The following PRKCE variants were observed in gnomAD, a reference collection of about 807,000 sequenced individuals.
PRKCE encodes the protein protein kinase C epsilon type.
PRKCE carries 16 observed loss-of-function variants against 85.4 expected under a neutral mutation model. That is an observed-to-expected ratio of 0.19 (90% CI 0.13 to 0.28). PRKCE has a LOEUF of 0.28. PRKCE is among the 10% of genes least tolerant of loss of function. The pLI, the probability that PRKCE is intolerant of heterozygous loss-of-function variation, is 1.00. For synonymous variants in PRKCE, 388 were observed against 371.5 expected (o/e 1.04, Z -0.51); for missense variants, 573 against 975.2 (o/e 0.59, Z 5.49).
intron 2 of PRKCE, among the ~76,000 whole-genome samples, chr2:45,878,877 T>C (rs1001653578): frequency 6.6e-6 from 1 of 152,244 alleles, no homozygotes; most frequent in Non-Finnish European, 1.5e-5. Flanking sequence ...CAAAGTTTGC[T>C]CTTGCTTTTT....
At chr2:46,080,797 A>G (rs531613476) in intron 10 of PRKCE, among the ~76,000 whole-genome samples, 9 of 152,210 alleles carry the variant, frequency 5.9e-5, no homozygotes, top group Admixed American at 1.3e-4. Context: ...ACAACTATCC[A>G]AAGAACAAAA....
intron 10 of PRKCE, among the ~76,000 whole-genome samples, chr2:46,042,506 C>T (rs1443827760): frequency 6.6e-6 from 1 of 152,220 alleles, no homozygotes; most frequent in African/African-American, 2.4e-5. Context: ...AATTGGCCAG[C>T]AGGGCTTAAG....
In PRKCE at chr2:45,712,394, A is replaced by G. The variant is rs1263558573; in HGVS notation, c.348+59946A>G. Among the ~76,000 whole-genome samples, 4 of 150,932 alleles carry G rather than the reference A, an allele frequency of 2.7e-5. No individual in the cohort carries two copies. In the East Asian group the frequency reaches 7.9e-4, roughly 30 times the overall value. On this transcript the variant is annotated intron_variant, in intron 1 of 14. Coordinates refer to ENST00000306156, the MANE Select transcript of PRKCE (RefSeq NM_005400.3). The stretch of plus-strand genomic sequence containing the variant: ...GGTCTCGAACTTCTGACCTCAAGTG[A>G]TTTACCCCACCTTGGCCTTCCAAAG...
At chr2:46,019,686 C>A (rs909149510) in intron 10 of PRKCE, among the ~76,000 whole-genome samples, 1 of 151,970 alleles carries the variant, frequency 6.6e-6, no homozygotes, top group African/African-American at 2.4e-5. Context: ...CCTTACGTGT[C>A]TTTTCACTTG....
At position 46,001,579 on chromosome 2, in the gene PRKCE, CT is replaced by C; in HGVS notation, c.966+37del. On this transcript the variant is annotated intron_variant, in intron 7 of 14. Transcript: ENST00000306156. The surrounding 1 kb of genome is among the most constrained non-coding windows in gnomAD (Gnocchi z 4.4). ...GCTGTTTGGTGGTGTTGCTGGAGCC[CT>C]TTTCAGGCTAGCATTTCTGTGCTGA... 2 of 1,587,812 alleles carry C rather than the reference CT, an allele frequency of 1.3e-6. No homozygotes were observed. Among genetic ancestry groups the C allele is most frequent in the Non-Finnish European group, 1.7e-6 (2 of 1,172,950 alleles).
chr2:45,652,292 C>T lies in PRKCE; in HGVS notation c.192C>T (p.Ala64=), dbSNP rs1290626452. 1 of 1,613,560 alleles carries T rather than the reference C, an allele frequency of 6.2e-7. No individual in the cohort carries two copies. The highest frequency in any genetic ancestry group is 8.5e-7 in the Non-Finnish European group (1 of 1,180,034). The stretch of plus-strand genomic sequence containing the variant: ...CCAAGCAGAAGACCAACAGCCCGGC[C>T]TGGCACGACGAGTTCGTCACCGATG... ...TATKQKTNSP[A]WHDEFVTDVC... Residue 64 remains alanine, a synonymous_variant, in exon 1 of 15, where the codon GCC becomes GCT. Coordinates refer to ENST00000306156, the MANE Select transcript of PRKCE (RefSeq NM_005400.3). The surrounding 1 kb of genome is among the most constrained non-coding windows in gnomAD (Gnocchi z 7.7).
intron 1 of PRKCE, among the ~76,000 whole-genome samples, chr2:45,841,529 C>T (rs934018606): frequency 3.7e-4 from 57 of 152,232 alleles, no homozygotes; most frequent in Admixed American, 7.2e-4. Flanking sequence ...ATTCTAGCCA[C>T]GCTGGCAGCT....
At chr2:45,946,379 A>C (rs1334376900) in intron 2 of PRKCE, among the ~76,000 whole-genome samples, 1 of 152,240 alleles carries the variant, frequency 6.6e-6, no homozygotes, top group African/African-American at 2.4e-5. Flanking sequence ...TAAATGACCC[A>C]AGTCAGAACC....
intron 2 of PRKCE, among the ~76,000 whole-genome samples, chr2:45,969,940 C>A (rs994307134): frequency 6.6e-6 from 1 of 152,190 alleles, no homozygotes; most frequent in Non-Finnish European, 1.5e-5. Context: ...ATTCATCAGA[C>A]CATTGGCCTA....
chr2:45,851,736 C>A (rs1279739427), intron 2 of PRKCE: 1 of 152,186 alleles, frequency 6.6e-6, no homozygotes, highest in Non-Finnish European at 1.5e-5. Context: ...GCAAACCCTG[C>A]CAGAGAGGAG....
intron 2 of PRKCE, among the ~76,000 whole-genome samples, chr2:45,941,458 TACAG>T (rs1485876727): frequency 1.3e-5 from 2 of 152,186 alleles, no homozygotes; most frequent in Admixed American, 6.5e-5. Flanking sequence ...TGGGAGATCA[TACAG>T]ACCTACATCA....
At chr2:45,794,381 A>C (rs1687258868) in intron 1 of PRKCE, among the ~76,000 whole-genome samples, 1 of 152,120 alleles carries the variant, frequency 6.6e-6, no homozygotes. Flanking sequence ...GTTTTTGAAA[A>C]TGGCAAATGC....
At chr2:46,048,803 C>G (rs1033145865) in intron 10 of PRKCE, among the ~76,000 whole-genome samples, 2 of 152,196 alleles carry the variant, frequency 1.3e-5, no homozygotes, top group African/African-American at 2.4e-5. Flanking sequence ...CCTTCACCAG[C>G]TCTGGAAATA....
At chr2:46,170,372 C>A (rs1375060) in intron 14 of PRKCE, among the ~76,000 whole-genome samples, 3 of 152,256 alleles carry the variant, frequency 2.0e-5, no homozygotes, top group African/African-American at 7.2e-5. Flanking sequence ...AACTTTAGTA[C>A]GGAAATTTCC....
chr2:45,657,024 G>A (rs1675410651), intron 1 of PRKCE, among the ~76,000 whole-genome samples: 1 of 152,258 alleles, frequency 6.6e-6, no homozygotes, highest in African/African-American at 2.4e-5. Context: ...GGCAGGCGGA[G>A]CAAGGATTAG....
At chr2:45,673,666 C>T (rs926382518) in intron 1 of PRKCE, among the ~76,000 whole-genome samples, 1 of 152,052 alleles carries the variant, frequency 6.6e-6, no homozygotes, top group Admixed American at 6.5e-5. Context: ...AACTAGGATC[C>T]CAAGTGTTGT....
intron 1 of PRKCE, among the ~76,000 whole-genome samples, chr2:45,802,817 A>C (rs1687969096): frequency 6.6e-6 from 1 of 152,242 alleles, no homozygotes; most frequent in Non-Finnish European, 1.5e-5. Context: ...ATAGACGTAT[A>C]AACATGCACA....
At position 45,653,919 on chromosome 2, in the gene PRKCE, C is replaced by T. The variant is rs1238173897; in HGVS notation, c.348+1471C>T. Among the ~76,000 whole-genome samples the T allele has an allele frequency of 2.0e-5, 3 of 152,256 alleles. No individual in the cohort carries two copies. In the East Asian group the frequency reaches 5.8e-4, roughly 29 times the overall value. On this transcript the variant is annotated intron_variant, in intron 1 of 14. Transcript: ENST00000306156. ...GCTTCCTTCAGCCCCCACAACAGAG[C>T]TCCCACTCATTCCCCATTTCTTTTC...
intron 11 of PRKCE, among the ~76,000 whole-genome samples, chr2:46,097,519 CAAAAAAAAAA>C (rs66634467): frequency 0.089 from 8,362 of 94,154 alleles, 563 homozygotes; most frequent in Middle Eastern, 0.24. Flanking sequence ...GACTCCGTCT[CAAAAAAAAAA>C]AAAAAAAAGC....
Sources: allele counts gnomAD v4.1 joint callset (sites outside exome capture counted in the v4.1 genomes callset), GRCh38; gene constraint gnomAD v4.1.1; non-coding constraint Gnocchi (gnomAD v3.1); transcripts MANE v1.5; gene names NCBI Gene and HGNC (gene_info 2026-07-23, HGNC 2026-07-21).